Variants in IL1RAPL2 observed in about 807,000 individuals in gnomAD.
IL1RAPL2 encodes X-linked interleukin-1 receptor accessory protein-like 2.
Under a neutral mutation model 44.1 loss-of-function variants are expected in IL1RAPL2, and 3 were observed. The observed-to-expected ratio is 0.07, with a 90% CI of 0.03 to 0.18. The LOEUF is 0.18. IL1RAPL2 is among the 10% of genes least tolerant of loss of function. The probability of loss-of-function intolerance (pLI) is 1.00; values close to 1 mark genes in which losing one functional copy is unlikely to be tolerated. For missense variants in IL1RAPL2, 391 were observed against 496.4 expected (o/e 0.79, Z 2.02); for synonymous variants, 181 against 178.8 (o/e 1.01, Z -0.10).
chrX:105,059,385 T>G (rs2032042077), intron 2 of IL1RAPL2, among the ~76,000 whole-genome samples: 1 of 112,267 alleles, frequency 8.9e-6, no homozygotes, highest in Non-Finnish European at 1.9e-5. Context: ...ATAATTGTCT[T>G]TCTGTGTCTC....
intron 6 of IL1RAPL2, among the ~76,000 whole-genome samples, chrX:105,616,492 G>A (rs1286914878): frequency 9.0e-6 from 1 of 111,623 alleles, no homozygotes; most frequent in East Asian, 2.8e-4. Context: ...GTGTAAAGTG[G>A]TATGTCATTG....
At chrX:105,167,406 C>T (rs1179716739) in intron 2 of IL1RAPL2, among the ~76,000 whole-genome samples, 3 of 112,157 alleles carry the variant, frequency 2.7e-5, no homozygotes, top group Non-Finnish European at 5.6e-5. Flanking sequence ...GTTTTTCCTT[C>T]TTCAGACCTG....
chrX:104,653,553 C>T (rs1930193164), intron 1 of IL1RAPL2, among the ~76,000 whole-genome samples: 1 of 110,932 alleles, frequency 9.0e-6, no homozygotes, highest in Non-Finnish European at 1.9e-5. Flanking sequence ...TTCCAGGTTC[C>T]TTTGTTTATT....
chrX:104,677,380 C>CTG (rs1930791355), intron 2 of IL1RAPL2, among the ~76,000 whole-genome samples: 1 of 110,643 alleles, frequency 9.0e-6, no homozygotes, highest in African/African-American at 3.3e-5. Flanking sequence ...TGTGCCCCTG[C>CTG]TGGGGGGTGC....
intron 5 of IL1RAPL2, among the ~76,000 whole-genome samples, chrX:105,403,372 T>G (rs900243803): frequency 9.0e-6 from 1 of 111,404 alleles, no homozygotes; most frequent in Non-Finnish European, 1.9e-5. Flanking sequence ...TAAATGACAT[T>G]TTGAAATATT....
chrX:104,798,737 G>A (rs1288519832), intron 2 of IL1RAPL2, among the ~76,000 whole-genome samples: 1 of 110,960 alleles, frequency 9.0e-6, no homozygotes, highest in Non-Finnish European at 1.9e-5. Flanking sequence ...TTCTTTCACT[G>A]CTGTTCCTTG....
At chrX:105,686,944 G>GA (rs2037983904) in intron 6 of IL1RAPL2, among the ~76,000 whole-genome samples, 1 of 111,803 alleles carries the variant, frequency 8.9e-6, no homozygotes, top group South Asian at 3.7e-4. Flanking sequence ...CAACTACATG[G>GA]AAACTGAACA....
intron 2 of IL1RAPL2, among the ~76,000 whole-genome samples, chrX:104,945,029 A>C (rs751285408): frequency 1.0e-3 from 113 of 111,807 alleles, no homozygotes; most frequent in African/African-American, 3.4e-3. Context: ...GCCAGAACCA[A>C]TCTTGGTCCT....
chrX:104,762,425 C>G (rs1484485535), intron 2 of IL1RAPL2, among the ~76,000 whole-genome samples: 1 of 112,122 alleles, frequency 8.9e-6, no homozygotes, highest in Non-Finnish European at 1.9e-5. Context: ...CAGGGTACAG[C>G]CCCTCTCCTG....
chrX:105,205,353 C>T (rs1388118262), intron 3 of IL1RAPL2, among the ~76,000 whole-genome samples: 1 of 108,434 alleles, frequency 9.2e-6, no homozygotes, highest in African/African-American at 3.4e-5. Context: ...CTTTGGGAGG[C>T]TGAGACGGGC....
intron 4 of IL1RAPL2, among the ~76,000 whole-genome samples, chrX:105,239,327 A>G (rs782779132): frequency 1.9e-4 from 21 of 111,968 alleles, no homozygotes; most frequent in Admixed American, 3.8e-4. Context: ...AGCCTATCAT[A>G]AGGGATACAT....
At chrX:104,870,866 T>C (rs748277328) in intron 2 of IL1RAPL2, among the ~76,000 whole-genome samples, 21 of 111,447 alleles carry the variant, frequency 1.9e-4, no homozygotes, top group Admixed American at 4.8e-4. Context: ...AAGGGAGCTA[T>C]TTGTATATCT....
chrX:105,755,812 A>G (rs992091821), intron 10 of IL1RAPL2, among the ~76,000 whole-genome samples: 2 of 111,792 alleles, frequency 1.8e-5, no homozygotes, highest in East Asian at 2.8e-4. Flanking sequence ...CCACTTAAAA[A>G]GGTATATGAG....
intron 2 of IL1RAPL2, among the ~76,000 whole-genome samples, chrX:105,034,843 G>A (rs751898950): frequency 2.7e-5 from 3 of 112,428 alleles, no homozygotes; most frequent in African/African-American, 9.7e-5. Flanking sequence ...CCCAGTGGTG[G>A]AGCCTACAGA....
intron 3 of IL1RAPL2, among the ~76,000 whole-genome samples, chrX:105,200,209 A>G (rs1820005649): frequency 8.9e-6 from 1 of 112,545 alleles, no homozygotes; most frequent in South Asian, 3.7e-4. Context: ...TGTCACTGTG[A>G]TTAAAAATGA....
At chrX:105,052,955 T>A (rs2031947414) in intron 2 of IL1RAPL2, among the ~76,000 whole-genome samples, 1 of 110,991 alleles carries the variant, frequency 9.0e-6, no homozygotes, top group Non-Finnish European at 1.9e-5. Context: ...CTCCCTCTTA[T>A]GAGTGAAAAC....
chrX:104,847,568 C>T (rs1222009647), intron 2 of IL1RAPL2, among the ~76,000 whole-genome samples: 1 of 111,620 alleles, frequency 9.0e-6, no homozygotes, highest in Non-Finnish European at 1.9e-5. Flanking sequence ...GTTTTGGTAC[C>T]AGTACCATGC....
At chrX:104,624,318 C>T (rs892408662) in intron 1 of IL1RAPL2, among the ~76,000 whole-genome samples, 6 of 109,702 alleles carry the variant, frequency 5.5e-5, no homozygotes, top group African/African-American at 1.3e-4. Context: ...ATATTTACAA[C>T]GCATGTAATA....
At chrX:104,950,879 G>T (rs953955777) in intron 2 of IL1RAPL2, among the ~76,000 whole-genome samples, 24 of 110,630 alleles carry the variant, frequency 2.2e-4, no homozygotes, top group African/African-American at 7.6e-4. Flanking sequence ...GGCTAATTCT[G>T]GTGCGCTGTT....
Sources: gnomAD v4.1 joint callset for allele counts (sites outside exome capture counted in the v4.1 genomes callset) on GRCh38, gnomAD v4.1.1 for gene constraint, MANE v1.5 for transcripts, NCBI Gene and HGNC (gene_info 2026-07-23, HGNC 2026-07-21) for gene names.